The following DPYSL3 variants were observed in gnomAD, a reference collection of about 807,000 sequenced individuals.
The protein encoded by DPYSL3 is dihydropyrimidinase like 3.
A neutral mutation model predicts 66.1 loss-of-function variants in DPYSL3; 16 were observed. The ratio of observed to expected loss-of-function variants is 0.24; its 90% CI spans 0.16 to 0.37. The LOEUF is 0.37. DPYSL3 is among the 10% of genes least tolerant of loss of function. The probability of loss-of-function intolerance (pLI) is 1.00; values close to 1 mark genes in which losing one functional copy is unlikely to be tolerated. For missense variants in DPYSL3, 738 were observed against 916.2 expected (o/e 0.81, Z 2.51); for synonymous variants, 338 against 345.1 (o/e 0.98, Z 0.23).
At chr5:147,494,870 C>T (rs1279731526) in intron 1 of DPYSL3, among the ~76,000 whole-genome samples, 1 of 128,314 alleles carries the variant, frequency 7.8e-6, no homozygotes, top group East Asian at 2.0e-4. Context: ...CAGAGCAAGA[C>T]TCCATCTCAA....
rs546852449 is a variant in DPYSL3 at position 147,469,706 on chromosome 5, A to T, written c.381+39772T>A. On this transcript the variant is annotated intron_variant, in intron 1 of 13. Coordinates refer to ENST00000343218, the MANE Select transcript of DPYSL3 (RefSeq NM_001197294.2). Reference sequence around the variant, plus strand: ...GGAAGAAGAATCTCTAGTTTTCTTCAGATTCTCAAAGGGTGTATGACCCCA... The same window carrying T: ...GGAAGAAGAATCTCTAGTTTTCTTCTGATTCTCAAAGGGTGTATGACCCCA... 1.1e-4 allele frequency among the ~76,000 whole-genome samples: 17 copies of T among 152,310 alleles called. 1 individual carries two copies. The South Asian group carries it at 3.3e-3, about 30-fold the overall frequency.
At chr5:147,503,105 TG>T (rs904970324) in intron 1 of DPYSL3, among the ~76,000 whole-genome samples, 4 of 152,182 alleles carry the variant, frequency 2.6e-5, no homozygotes, top group African/African-American at 9.6e-5. Flanking sequence ...TGAAGTACTC[TG>T]ACAATGGACT....
intron 1 of DPYSL3, among the ~76,000 whole-genome samples, chr5:147,470,809 T>C (rs1469892178): frequency 6.6e-6 from 1 of 152,154 alleles, no homozygotes; most frequent in African/African-American, 2.4e-5. Flanking sequence ...AAACAATCCT[T>C]TAACACTCAG....
intron 1 of DPYSL3, among the ~76,000 whole-genome samples, chr5:147,445,877 C>A (rs992781399): frequency 6.6e-6 from 1 of 152,192 alleles, no homozygotes; most frequent in Non-Finnish European, 1.5e-5. Flanking sequence ...TGAATTAATA[C>A]TAACGCTCTA....
chr5:147,429,219 C>A (rs531897018), intron 1 of DPYSL3, among the ~76,000 whole-genome samples: 2 of 152,128 alleles, frequency 1.3e-5, no homozygotes, highest in Admixed American at 6.5e-5. Context: ...TGAAGCAACC[C>A]GCCACTGACC....
At chr5:147,450,543 C>T (rs953955890) in intron 1 of DPYSL3, among the ~76,000 whole-genome samples, 1 of 152,110 alleles carries the variant, frequency 6.6e-6, no homozygotes, top group African/African-American at 2.4e-5. Flanking sequence ...GATCTGAAGT[C>T]TTGGGAGCTA....
At chr5:147,444,605 A>G (rs1752595181) in intron 1 of DPYSL3, among the ~76,000 whole-genome samples, 1 of 152,138 alleles carries the variant, frequency 6.6e-6, no homozygotes, top group South Asian at 2.1e-4. Context: ...TCCTCCCTTT[A>G]AAAGGCTCTA....
At chr5:147,495,894 A>G (rs1292175344) in intron 1 of DPYSL3, among the ~76,000 whole-genome samples, 1 of 152,212 alleles carries the variant, frequency 6.6e-6, no homozygotes, top group Non-Finnish European at 1.5e-5. Flanking sequence ...ATTGGAAAAA[A>G]CTACTTTCAA....
chr5:147,415,127 A>G (rs1329690018), intron 4 of DPYSL3, among the ~76,000 whole-genome samples: 2 of 152,202 alleles, frequency 1.3e-5, no homozygotes, highest in Admixed American at 1.3e-4. Flanking sequence ...CTGAGAGGAC[A>G]CACGCTGGCA....
intron 1 of DPYSL3, among the ~76,000 whole-genome samples, chr5:147,455,275 C>G (rs895092436): frequency 2.0e-5 from 3 of 152,174 alleles, no homozygotes; most frequent in Admixed American, 2.0e-4. Flanking sequence ...CACACAAAGC[C>G]CCCCTTAAAC....
intron 11 of DPYSL3, among the ~76,000 whole-genome samples, chr5:147,398,285 T>A (rs1487977146): frequency 6.6e-6 from 1 of 152,184 alleles, no homozygotes; most frequent in Non-Finnish European, 1.5e-5. Context: ...CCTACCTCCT[T>A]CATTTACTCA....
chr5:147,412,163 T>C (rs982049919), intron 6 of DPYSL3, among the ~76,000 whole-genome samples: 2 of 152,224 alleles, frequency 1.3e-5, no homozygotes, highest in Non-Finnish European at 2.9e-5. Context: ...TTGCTCCTCA[T>C]GAGACCTAAA....
intron 1 of DPYSL3, among the ~76,000 whole-genome samples, chr5:147,462,104 A>C (rs1752942282): frequency 6.6e-6 from 1 of 151,862 alleles, no homozygotes; most frequent in Admixed American, 6.5e-5. Flanking sequence ...CAAATACCAG[A>C]GCATGACTCA....
Position 147,421,714 on chromosome 5 carries a change from C to A in DPYSL3, c.471-3083G>T, listed in dbSNP as rs116089708. On this transcript the variant is annotated intron_variant, in intron 2 of 13. Transcript: ENST00000343218. ...CCACAGAAATAACACCACACATCTA[C>A]AACTATTTGATCCTTGACAAACCCG... 4.2e-3 allele frequency among the ~76,000 whole-genome samples: 641 copies of A among 152,236 alleles called. 5 individuals are homozygous for A. Among genetic ancestry groups the A allele is most frequent in the African/African-American group, 0.014 (590 of 41,532 alleles).
intron 1 of DPYSL3, among the ~76,000 whole-genome samples, chr5:147,499,838 G>T (rs1055565874): frequency 6.6e-6 from 1 of 152,024 alleles, no homozygotes; most frequent in Admixed American, 6.6e-5. Flanking sequence ...GTACAATCTT[G>T]GTAAAAGAAC....
chr5:147,498,133 T>A (rs762027320), intron 1 of DPYSL3, among the ~76,000 whole-genome samples: 3 of 152,144 alleles, frequency 2.0e-5, no homozygotes, highest in Non-Finnish European at 4.4e-5. Flanking sequence ...TTTCCCTCTA[T>A]GTACCCATAT....
chr5:147,503,297 T>C (rs764181105), intron 1 of DPYSL3, among the ~76,000 whole-genome samples: 2 of 152,206 alleles, frequency 1.3e-5, no homozygotes, highest in Non-Finnish European at 2.9e-5. Flanking sequence ...TTTATTTACA[T>C]TTTATGATGA....
At chr5:147,484,072 T>TA (rs1280225069) in intron 1 of DPYSL3, among the ~76,000 whole-genome samples, 1 of 152,192 alleles carries the variant, frequency 6.6e-6, no homozygotes, top group African/African-American at 2.4e-5. Context: ...GCCCACATAA[T>TA]AAGAAATCTT....
At chr5:147,396,574 T>A (rs1757980484) in intron 12 of DPYSL3, among the ~76,000 whole-genome samples, 1 of 152,168 alleles carries the variant, frequency 6.6e-6, no homozygotes, top group South Asian at 2.1e-4. Flanking sequence ...TCCCTGTTAG[T>A]GACTCAAATG....
Sources: gnomAD v4.1 joint callset for allele counts (sites outside exome capture counted in the v4.1 genomes callset) on GRCh38, gnomAD v4.1.1 for gene constraint, MANE v1.5 for transcripts, NCBI Gene and HGNC (gene_info 2026-07-23, HGNC 2026-07-21) for gene names.